PIP5K1B: variants seen among roughly 807,000 people sequenced by gnomAD.
The protein encoded by PIP5K1B is phosphatidylinositol-4-phosphate 5-kinase type 1 beta.
A neutral mutation model predicts 67.0 loss-of-function variants in PIP5K1B; 42 were observed. That is an observed-to-expected ratio of 0.63 (90% CI 0.49 to 0.81). The LOEUF is 0.81. PIP5K1B is among the 30% of genes least tolerant of loss of function. The pLI is 0.00. For missense variants in PIP5K1B, 459 were observed against 646.3 expected (o/e 0.71, Z 3.14); for synonymous variants, 214 against 231.4 (o/e 0.92, Z 0.68).
At chr9:68,739,444 A>T (rs1828896369) in intron 1 of PIP5K1B, among the ~76,000 whole-genome samples, 1 of 152,186 alleles carries the variant, frequency 6.6e-6, no homozygotes, top group Admixed American at 6.5e-5. Flanking sequence ...CATTTTGGGT[A>T]CCTTTATTTT....
intron 2 of PIP5K1B, among the ~76,000 whole-genome samples, chr9:68,792,686 A>T (rs1832048754): frequency 6.6e-6 from 1 of 152,106 alleles, no homozygotes; most frequent in African/African-American, 2.4e-5. Flanking sequence ...TCGCTGCATT[A>T]GCCAGGATGG....
intron 4 of PIP5K1B, among the ~76,000 whole-genome samples, chr9:68,842,775 G>A (rs921882725): frequency 6.6e-6 from 1 of 152,328 alleles, no homozygotes; most frequent in Admixed American, 6.5e-5. Context: ...ACACATCAAA[G>A]AAGTCTCGAA....
At chr9:68,964,807 T>A (rs150200138) in intron 14 of PIP5K1B, among the ~76,000 whole-genome samples, 274 of 152,350 alleles carry the variant, frequency 1.8e-3, no homozygotes, top group African/African-American at 6.3e-3. Flanking sequence ...GTAGGTTTCC[T>A]TGTAAACGCT....
At chr9:68,917,503 C>A in intron 8 of PIP5K1B, 45 bp from the exon 9 acceptor site, 2 of 1,380,174 alleles carry the variant, frequency 1.4e-6, no homozygotes, top group Non-Finnish European at 2.1e-6. Flanking sequence ...ATGAGACGAA[C>A]AGGCCTTTGG....
intron 8 of PIP5K1B, among the ~76,000 whole-genome samples, chr9:68,913,370 G>A (rs1175629305): frequency 6.6e-6 from 1 of 152,174 alleles, no homozygotes; most frequent in Non-Finnish European, 1.5e-5. Context: ...GTGATGAACT[G>A]GACTAACTGG....
chr9:68,946,542 G>A (rs916241602), intron 14 of PIP5K1B, among the ~76,000 whole-genome samples: 4 of 151,928 alleles, frequency 2.6e-5, no homozygotes, highest in African/African-American at 9.7e-5. Flanking sequence ...ACAGGTGCGT[G>A]CCACCACGCC....
chr9:68,828,894 A>G (rs1834134025), intron 4 of PIP5K1B, among the ~76,000 whole-genome samples: 1 of 152,016 alleles, frequency 6.6e-6, no homozygotes, highest in Non-Finnish European at 1.5e-5. Flanking sequence ...CTGAGGTCAG[A>G]AGTTGGAGAC....
chr9:68,902,573 T>A (rs1215532168), intron 8 of PIP5K1B, among the ~76,000 whole-genome samples: 1 of 152,228 alleles, frequency 6.6e-6, no homozygotes, highest in East Asian at 1.9e-4. Flanking sequence ...GCTGTGAACA[T>A]TTGTATACTG....
intron 1 of PIP5K1B, among the ~76,000 whole-genome samples, chr9:68,710,346 G>A (rs1827326391): frequency 6.6e-6 from 1 of 152,158 alleles, no homozygotes; most frequent in African/African-American, 2.4e-5. Flanking sequence ...GAGAACTGGG[G>A]TGGGAGGAAA....
intron 8 of PIP5K1B, among the ~76,000 whole-genome samples, chr9:68,904,323 C>G (rs1825505002): frequency 6.6e-6 from 1 of 152,132 alleles, no homozygotes; most frequent in African/African-American, 2.4e-5. Context: ...CTAACTCTGA[C>G]AAGGAGATAC....
chr9:68,706,897 A>C (rs1273061586), intron 1 of PIP5K1B, among the ~76,000 whole-genome samples: 4 of 152,118 alleles, frequency 2.6e-5, no homozygotes, highest in Admixed American at 2.6e-4. Context: ...CAGCTGTTGG[A>C]GTGGAGAAAG....
intron 1 of PIP5K1B, among the ~76,000 whole-genome samples, chr9:68,715,788 A>G (rs1487099547): frequency 2.0e-5 from 3 of 152,214 alleles, no homozygotes; most frequent in Non-Finnish European, 4.4e-5. Flanking sequence ...TGAATGAACC[A>G]CTTCATATTG....
chr9:68,848,453 T>G (rs1822310102), intron 4 of PIP5K1B, among the ~76,000 whole-genome samples: 1 of 152,170 alleles, frequency 6.6e-6, no homozygotes, highest in African/African-American at 2.4e-5. Flanking sequence ...CAAGCTGCTG[T>G]TACATGTTCC....
intron 13 of PIP5K1B, among the ~76,000 whole-genome samples, chr9:68,940,256 G>T (rs1827490855): frequency 6.6e-6 from 1 of 152,186 alleles, no homozygotes; most frequent in Non-Finnish European, 1.5e-5. Context: ...GCATATCACA[G>T]GGAGGGCAAA....
chr9:68,991,086 C>T lies in PIP5K1B; in HGVS notation c.1503-54C>T. ...ACCCTCTTTAGGACTTTGGAGGTGT[C>T]TTTAGATTTTGTTCTGGGGGCCTCA... On this transcript the variant is annotated intron_variant, in intron 14 of 15. Transcript: ENST00000265382. The T allele has an allele frequency of 3.0e-6, 3 of 1,012,666 alleles. 1 individual carries two copies. The South Asian group carries it at 3.8e-5, about 13-fold the overall frequency. 62.7% of individuals were successfully genotyped at this position (1,012,666 alleles called of 1,614,324 possible). A position where few individuals can be genotyped will look rare whatever the true frequency, so the allele number is the denominator to read the frequency against.
At chr9:68,716,721 C>T (rs1827650910) in intron 1 of PIP5K1B, among the ~76,000 whole-genome samples, 1 of 152,150 alleles carries the variant, frequency 6.6e-6, no homozygotes, top group Non-Finnish European at 1.5e-5. Context: ...TCATTCAACC[C>T]AGCAATCCCA....
intron 12 of PIP5K1B, among the ~76,000 whole-genome samples, chr9:68,926,869 C>T (rs1041830197): frequency 2.6e-5 from 4 of 152,118 alleles, no homozygotes; most frequent in Admixed American, 6.5e-5. Flanking sequence ...CCATGCCCAG[C>T]GATTTTCTAA....
chr9:69,000,133 C>T (rs1830755988), intron 15 of PIP5K1B, among the ~76,000 whole-genome samples: 3 of 152,072 alleles, frequency 2.0e-5, no homozygotes, highest in Admixed American at 2.0e-4. Context: ...TCTGCTTGAG[C>T]CTTTTTGAAA....
intron 2 of PIP5K1B, among the ~76,000 whole-genome samples, chr9:68,751,574 C>T (rs1230123290): frequency 6.6e-6 from 1 of 152,174 alleles, no homozygotes; most frequent in Non-Finnish European, 1.5e-5. Flanking sequence ...GATTAGTTCT[C>T]ATGGATGACT....
Sources: allele counts gnomAD v4.1 joint callset (sites outside exome capture counted in the v4.1 genomes callset), GRCh38; gene constraint gnomAD v4.1.1; transcripts MANE v1.5; gene names NCBI Gene and HGNC (gene_info 2026-07-23, HGNC 2026-07-21).